The following KCND2 variants were observed in gnomAD, a reference collection of about 807,000 sequenced individuals.
KCND2 encodes the protein potassium voltage-gated channel subfamily D member 2, also known as A-type voltage-gated potassium channel KCND2.
A neutral mutation model predicts 54.4 loss-of-function variants in KCND2; 16 were observed. The observed-to-expected ratio is 0.29, with a 90% confidence interval of 0.20 to 0.45. The LOEUF is 0.45. Ranked by LOEUF, KCND2 falls within the 20% of genes least tolerant of loss-of-function variation. KCND2 has a pLI of 1.00. For missense variants in KCND2, 486 were observed against 824.2 expected (o/e 0.59, Z 5.02); for synonymous variants, 317 against 310.7 (o/e 1.02, Z -0.21).
chr7:120,595,252 G>A lies in KCND2; in HGVS notation c.1116-137651G>A, dbSNP rs1261373782. ...AAATCACTTGAGGTCAGGAGTTCGA[G>A]ACCAGCCTGGTCAACATGGTGAAAC... On this transcript the variant is annotated intron_variant, in intron 1 of 5. Coordinates refer to ENST00000331113, the MANE Select transcript of KCND2 (RefSeq NM_012281.3). 2.0e-5 allele frequency among the ~76,000 whole-genome samples: 3 copies of A among 151,524 alleles called. No homozygotes were observed. The East Asian group carries it at 5.9e-4, about 30-fold the overall frequency.
chr7:120,589,471 A>G (rs1792643202), intron 1 of KCND2, among the ~76,000 whole-genome samples: 1 of 152,180 alleles, frequency 6.6e-6, no homozygotes, highest in East Asian at 1.9e-4. Flanking sequence ...TCCATTTATT[A>G]TAAGTGTAAG....
intron 1 of KCND2, among the ~76,000 whole-genome samples, chr7:120,663,374 T>G (rs1253571461): frequency 6.6e-6 from 1 of 152,170 alleles, no homozygotes; most frequent in Non-Finnish European, 1.5e-5. Context: ...CTGCTTTAGT[T>G]TTTTGAAATA....
At chr7:120,690,935 A>T (rs1329930001) in intron 1 of KCND2, among the ~76,000 whole-genome samples, 1 of 152,188 alleles carries the variant, frequency 6.6e-6, no homozygotes, top group Non-Finnish European at 1.5e-5. Flanking sequence ...AGTGGTAGGG[A>T]GCGCTGTGGA....
chr7:120,718,905 A>T (rs1792635379), intron 1 of KCND2, among the ~76,000 whole-genome samples: 1 of 152,122 alleles, frequency 6.6e-6, no homozygotes, highest in South Asian at 2.1e-4. Context: ...ATACATCAAA[A>T]TATTTAGAAA....
At chr7:120,422,514 T>C (rs1249228882) in intron 1 of KCND2, among the ~76,000 whole-genome samples, 1 of 152,202 alleles carries the variant, frequency 6.6e-6, no homozygotes, top group African/African-American at 2.4e-5. Context: ...CTGAGGCTTT[T>C]TTATCCCACT....
At chr7:120,712,626 A>G (rs1792555257) in intron 1 of KCND2, among the ~76,000 whole-genome samples, 1 of 152,150 alleles carries the variant, frequency 6.6e-6, no homozygotes, top group African/African-American at 2.4e-5. Context: ...AGACTAATAG[A>G]TAAGGAGAAC....
At chr7:120,606,686 C>T (rs1792886532) in intron 1 of KCND2, among the ~76,000 whole-genome samples, 1 of 151,834 alleles carries the variant, frequency 6.6e-6, no homozygotes, top group Admixed American at 6.6e-5. Flanking sequence ...AATGTGAGGG[C>T]TTATTTCTGA....
chr7:120,363,151 C>T (rs1800617856), intron 1 of KCND2, among the ~76,000 whole-genome samples: 1 of 151,922 alleles, frequency 6.6e-6, no homozygotes, highest in African/African-American at 2.4e-5. Flanking sequence ...AATATGTTAG[C>T]CAGGTATGGT....
At chr7:120,448,030 T>C (rs1802042978) in intron 1 of KCND2, among the ~76,000 whole-genome samples, 1 of 152,242 alleles carries the variant, frequency 6.6e-6, no homozygotes, top group Non-Finnish European at 1.5e-5. Context: ...ACCTTGATTT[T>C]AAAAAAATTA....
chr7:120,278,677 C>G (rs1199629524), intron 1 of KCND2, among the ~76,000 whole-genome samples: 1 of 151,434 alleles, frequency 6.6e-6, no homozygotes, highest in African/African-American at 2.4e-5. Flanking sequence ...ATTTGTATCA[C>G]CATTTTATTT....
intron 1 of KCND2, among the ~76,000 whole-genome samples, chr7:120,310,614 G>A (rs996218138): frequency 4.6e-5 from 7 of 152,108 alleles, no homozygotes; most frequent in African/African-American, 1.7e-4. Flanking sequence ...AAAAACTAAT[G>A]TGGATTATAG....
intron 3 of KCND2, among the ~76,000 whole-genome samples, chr7:120,742,146 C>A (rs903147831): frequency 2.6e-5 from 4 of 152,132 alleles, no homozygotes; most frequent in Non-Finnish European, 5.9e-5. Context: ...TCTTTACTTA[C>A]AAAATAGCTT....
At position 120,732,883 on chromosome 7, in the gene KCND2, A is replaced by ATATT; in HGVS notation, c.1116-18_1116-15dup. The ATATT allele has an allele frequency of 6.3e-7, 1 of 1,598,684 alleles. No individual in the cohort carries two copies. The highest frequency in any genetic ancestry group is 8.6e-7 in the Non-Finnish European group (1 of 1,166,470). On this transcript the variant is annotated intron_variant, in intron 1 of 5. Coordinates refer to ENST00000331113, the MANE Select transcript of KCND2 (RefSeq NM_012281.3). ...TTCTGTGACTTAAAACAATATATAT[A>ATATT]TATTTTTTCTTTAACTCAGGTATGG...
chr7:120,273,696 C>T lies in KCND2; in HGVS notation c.-937C>T, dbSNP rs980216984. The T allele has an allele frequency of 2.0e-5, 3 of 152,744 alleles. No individual in the cohort carries two copies. The highest frequency in any genetic ancestry group is 4.4e-5 in the Non-Finnish European group (3 of 68,140). 9.5% of individuals were successfully genotyped at this position (152,744 alleles called of 1,614,324 possible). ...CTGCTCGCGAGCTGCTTTCTCTCCT[C>T]TTCCCTTTCCGGGTGCACGGCGAGG... On this transcript the variant is annotated 5_prime_UTR_variant, in exon 1 of 6. Coordinates refer to ENST00000331113, the MANE Select transcript of KCND2 (RefSeq NM_012281.3).
chr7:120,398,548 C>T (rs1327191034), intron 1 of KCND2, among the ~76,000 whole-genome samples: 1 of 151,992 alleles, frequency 6.6e-6, no homozygotes, highest in Non-Finnish European at 1.5e-5. Context: ...TTTGTGGAGG[C>T]TTTACAGAAA....
At chr7:120,732,441 T>A (rs961542252) in intron 1 of KCND2, among the ~76,000 whole-genome samples, 3 of 152,190 alleles carry the variant, frequency 2.0e-5, no homozygotes, top group African/African-American at 7.2e-5. Flanking sequence ...AAAGTTTATT[T>A]TTTAAATGAT....
At chr7:120,716,163 C>T (rs1330516814) in intron 1 of KCND2, among the ~76,000 whole-genome samples, 1 of 151,848 alleles carries the variant, frequency 6.6e-6, no homozygotes, top group Non-Finnish European at 1.5e-5. Flanking sequence ...GAAAGCCTCA[C>T]TAAGGTAAAG....
chr7:120,420,995 A>C (rs1801612245), intron 1 of KCND2, among the ~76,000 whole-genome samples: 2 of 152,230 alleles, frequency 1.3e-5, no homozygotes, highest in African/African-American at 4.8e-5. Flanking sequence ...TAAGAAGTAT[A>C]ATTATGATTA....
At chr7:120,698,221 G>C (rs1015338228) in intron 1 of KCND2, among the ~76,000 whole-genome samples, 1 of 151,902 alleles carries the variant, frequency 6.6e-6, no homozygotes, top group Admixed American at 6.6e-5. Flanking sequence ...TGCCATGTTG[G>C]CCAGGCTGGT....
Sources: allele counts gnomAD v4.1 joint callset (sites outside exome capture counted in the v4.1 genomes callset), GRCh38; gene constraint gnomAD v4.1.1; transcripts MANE v1.5; gene names NCBI Gene and HGNC (gene_info 2026-07-23, HGNC 2026-07-21).